MTHFD1L: variants seen among roughly 807,000 people sequenced by gnomAD.
The protein encoded by MTHFD1L is monofunctional C1-tetrahydrofolate synthase, mitochondrial.
MTHFD1L carries 81 observed loss-of-function variants against 119.5 expected under a neutral mutation model. The observed-to-expected ratio is 0.68, with a 90% CI of 0.57 to 0.82. The LOEUF is 0.82. Among genes scored for constraint, MTHFD1L ranks in the 40% least tolerant of loss-of-function variants. The pLI is 0.00. For missense variants in MTHFD1L, 1,125 were observed against 1,253.4 expected, an observed-to-expected ratio of 0.90 and a Z score of 1.55; for synonymous variants, 430 against 475.2, an observed-to-expected ratio of 0.90 and a Z score of 1.24.
At chr6:150,972,358 T>A (rs1798100054) in intron 20 of MTHFD1L, among the ~76,000 whole-genome samples, 1 of 152,216 alleles carries the variant, frequency 6.6e-6, no homozygotes, top group Non-Finnish European at 1.5e-5. Flanking sequence ...TTTTCTTGTG[T>A]GTAAAATAGT....
chr6:151,013,518 G>T (rs1239303856), intron 21 of MTHFD1L, among the ~76,000 whole-genome samples: 4 of 152,202 alleles, frequency 2.6e-5, no homozygotes, highest in Admixed American at 2.6e-4. Context: ...CATCCAGGGA[G>T]ATTTTAAACA....
intron 19 of MTHFD1L, among the ~76,000 whole-genome samples, chr6:150,968,457 T>A (rs758060653): frequency 3.3e-4 from 50 of 152,234 alleles, no homozygotes; most frequent in Admixed American, 5.2e-4. Flanking sequence ...CAAAGATGAA[T>A]ACTTATTATT....
chr6:151,095,638 C>CTATAT (rs1223656365), intron 27 of MTHFD1L, among the ~76,000 whole-genome samples: 3 of 152,242 alleles, frequency 2.0e-5, no homozygotes, highest in African/African-American at 7.2e-5. Context: ...GCCTGCAGGG[C>CTATAT]AGGACACAGG....
At chr6:150,909,342 A>G (rs934887666) in intron 8 of MTHFD1L, among the ~76,000 whole-genome samples, 2 of 151,748 alleles carry the variant, frequency 1.3e-5, no homozygotes, top group African/African-American at 4.8e-5. Context: ...GCTAGAGTAC[A>G]GTGGCACGAT....
intron 24 of MTHFD1L, among the ~76,000 whole-genome samples, chr6:151,017,345 T>C (rs1584152988): frequency 6.6e-6 from 1 of 150,580 alleles, no homozygotes; most frequent in Admixed American, 6.6e-5. Context: ...TGTCAGAATT[T>C]CCCTTCTTTT....
chr6:150,971,835 T>C, intron 19 of MTHFD1L, 112 bp from the exon 20 acceptor site: 1 of 803,810 alleles, frequency 1.2e-6, no homozygotes. Flanking sequence ...TTTTATGCAT[T>C]AAATATGCAG....
intron 26 of MTHFD1L, among the ~76,000 whole-genome samples, chr6:151,038,332 G>A (rs2128543321): frequency 6.6e-6 from 1 of 152,272 alleles, no homozygotes; most frequent in South Asian, 2.1e-4. Context: ...GCAAAACAGT[G>A]AGTTTTGACT....
chr6:150,968,281 GA>G (rs1164365980), intron 19 of MTHFD1L, among the ~76,000 whole-genome samples: 1 of 151,190 alleles, frequency 6.6e-6, no homozygotes, highest in Non-Finnish European at 1.5e-5. Context: ...CCAGCTTCTA[GA>G]AAGTGCCCGA....
intron 4 of MTHFD1L, among the ~76,000 whole-genome samples, chr6:150,882,090 A>T (rs1375596979): frequency 6.6e-6 from 1 of 152,234 alleles, no homozygotes; most frequent in Non-Finnish European, 1.5e-5. Flanking sequence ...TTGCTTATTT[A>T]GAGACACACC....
intron 11 of MTHFD1L, among the ~76,000 whole-genome samples, chr6:150,932,180 A>AG (rs1297134170): frequency 6.6e-6 from 1 of 150,578 alleles, no homozygotes; most frequent in Non-Finnish European, 1.5e-5. Context: ...AAAAAAAAAA[A>AG]AAAAAGCATC....
chr6:151,033,034 C>T (rs1343487154), intron 24 of MTHFD1L, among the ~76,000 whole-genome samples: 1 of 152,136 alleles, frequency 6.6e-6, no homozygotes, highest in Admixed American at 6.5e-5. Context: ...GACTTGTGCC[C>T]CTTGGTTGAC....
chr6:150,926,859 T>C lies in MTHFD1L; in HGVS notation c.1256+564T>C, dbSNP rs1381044075. Among the ~76,000 whole-genome samples, 2 of 152,078 alleles carry C rather than the reference T, an allele frequency of 1.3e-5. No individual in the cohort carries two copies. Among genetic ancestry groups the C allele is most frequent in the Non-Finnish European group, 2.9e-5 (2 of 68,040 alleles). ...TCATAGTTTTTGTGAAAAGGAGTGT[T>C]TGCCTTTTTCCCCTTCTTTTTAAAA... On this transcript the variant is annotated intron_variant, in intron 11 of 27. Coordinates refer to ENST00000367321, the MANE Select transcript of MTHFD1L (RefSeq NM_015440.5). This position sits in a 1 kb window ranked among gnomAD's most constrained non-coding sequence, Gnocchi z 4.3.
intron 9 of MTHFD1L, 125 bp downstream of exon 9, chr6:150,918,793 C>T: frequency 1.4e-6 from 1 of 720,642 alleles, no homozygotes; most frequent in Non-Finnish European, 2.4e-6. Context: ...GTGTTAGGCC[C>T]ATTTGATAAG....
intron 20 of MTHFD1L, among the ~76,000 whole-genome samples, chr6:151,004,025 A>AG (rs1781024316): frequency 6.9e-6 from 1 of 144,602 alleles, no homozygotes; most frequent in African/African-American, 2.9e-5. Flanking sequence ...AAAAAAAAAA[A>AG]AAGAGAGAGA....
chr6:151,015,453 T>G (rs1782913398), intron 23 of MTHFD1L, 63 bp from the exon 24 acceptor site: 1 of 1,533,956 alleles, frequency 6.5e-7, no homozygotes, highest in Non-Finnish European at 8.8e-7. Context: ...AAATGGTGAG[T>G]CTTTCTTTGA....
intron 26 of MTHFD1L, among the ~76,000 whole-genome samples, chr6:151,051,448 A>G (rs531898207): frequency 6.6e-6 from 1 of 151,992 alleles, no homozygotes; most frequent in African/African-American, 2.4e-5. Context: ...CCCCATACTC[A>G]CCCTGGGAGC....
intron 8 of MTHFD1L, among the ~76,000 whole-genome samples, chr6:150,910,295 G>A (rs1377642845): frequency 6.6e-6 from 1 of 152,114 alleles, no homozygotes; most frequent in Non-Finnish European, 1.5e-5. Flanking sequence ...CGGATGCGGT[G>A]GCTCACGCCT....
chr6:150,917,496 A>T (rs555383579), intron 8 of MTHFD1L, among the ~76,000 whole-genome samples: 2 of 147,180 alleles, frequency 1.4e-5, no homozygotes, highest in African/African-American at 2.5e-5. Context: ...TCTCAAAAAT[A>T]AAAAAAAAAA....
chr6:150,882,659 A>G (rs776505623), intron 4 of MTHFD1L, 103 bp from the exon 5 acceptor site: 522 of 831,294 alleles, frequency 6.3e-4, no homozygotes, highest in Non-Finnish European at 8.0e-4. Context: ...AACAAACTAT[A>G]ACAGATGCAT....
Sources: gnomAD v4.1 joint callset for allele counts (sites outside exome capture counted in the v4.1 genomes callset) on GRCh38, gnomAD v4.1.1 for gene constraint, Gnocchi (gnomAD v3.1) non-coding constraint, MANE v1.5 for transcripts, NCBI Gene and HGNC (gene_info 2026-07-23, HGNC 2026-07-21) for gene names.